The following IQSEC1 variants were observed in gnomAD, a reference collection of about 807,000 sequenced individuals.
IQSEC1 encodes IQ motif and Sec7 domain ArfGEF 1.
In IQSEC1, 31 loss-of-function variants were observed where a neutral mutation model predicts 91.0. The ratio of observed to expected loss-of-function variants is 0.34; its 90% CI spans 0.26 to 0.46. The LOEUF (loss-of-function observed/expected upper bound fraction) is 0.46, where lower values mean the gene tolerates loss of function less well. Among genes scored for constraint, IQSEC1 ranks in the 20% least tolerant of loss-of-function variants. The probability of loss-of-function intolerance (pLI) is 1.00; values close to 1 mark genes in which losing one functional copy is unlikely to be tolerated. For missense variants in IQSEC1, 1,388 were observed against 1,575.6 expected, an observed-to-expected ratio of 0.88 and a Z score of 2.02; for synonymous variants, 699 against 662.6, an observed-to-expected ratio of 1.05 and a Z score of -0.84.
At chr3:13,182,620 A>G (rs1693863823) in intron 1 of IQSEC1, among the ~76,000 whole-genome samples, 1 of 152,238 alleles carries the variant, frequency 6.6e-6, no homozygotes, top group South Asian at 2.1e-4. Flanking sequence ...TCACCAACCA[A>G]GACCACATTC....
rs377518177 is a variant in IQSEC1 at position 13,264,350 on chromosome 3, G to A, written c.272+18361C>T. Among the ~76,000 whole-genome samples the A allele has an allele frequency of 5.9e-5, 9 of 152,306 alleles. No individual in the cohort carries two copies. The South Asian group carries it at 6.2e-4, about 11-fold the overall frequency. ...GCTGCCGTGATGCCCACCGGAGGCCGAGGGCTCTAAGGACAGCAGGGGCAG... is the reference window on the plus strand; with the variant it reads ...GCTGCCGTGATGCCCACCGGAGGCCAAGGGCTCTAAGGACAGCAGGGGCAG... On this transcript the variant is annotated intron_variant, in intron 1 of 15. Coordinates refer to the IQSEC1 transcript ENST00000648114.
chr3:13,123,414 G>A (rs758513000), intron 2 of IQSEC1, among the ~76,000 whole-genome samples: 3 of 152,252 alleles, frequency 2.0e-5, no homozygotes, highest in East Asian at 1.9e-4. Flanking sequence ...CCATGGGGAC[G>A]GTGGCCTGTG....
chr3:12,941,928 C>T (rs778400724), intron 1 of IQSEC1, 63 bp from the exon 2 acceptor site: 26 of 1,427,716 alleles, frequency 1.8e-5, no homozygotes, highest in Non-Finnish European at 2.2e-5. Context: ...GACACCGGGC[C>T]GTGGGGCGTG....
intron 1 of IQSEC1, among the ~76,000 whole-genome samples, chr3:13,224,789 G>A (rs1219666870): frequency 2.0e-5 from 3 of 152,210 alleles, no homozygotes; most frequent in African/African-American, 7.2e-5. Context: ...CCACACAGGT[G>A]CAAGGAGACC....
At chr3:13,070,109 G>T (rs1576233874) in intron 1 of IQSEC1, among the ~76,000 whole-genome samples, 3 of 152,106 alleles carry the variant, frequency 2.0e-5, no homozygotes, top group Middle Eastern at 6.8e-3. Flanking sequence ...GGGGGTGGGG[G>T]CCCGCCGGCA....
Position 13,209,845 on chromosome 3 carries a change from C to T in IQSEC1, c.273-45712G>A, listed in dbSNP as rs575614038. ...ATTCTTTTGCACTTTCCAAGAGCAC[C>T]GCAGCAGCCCAACACCCAGCACTGG... On this transcript the variant is annotated intron_variant, in intron 1 of 15. Coordinates refer to the IQSEC1 transcript ENST00000648114. Among the ~76,000 whole-genome samples, 11 of 152,234 alleles carry T rather than the reference C, an allele frequency of 7.2e-5. No individual in the cohort carries two copies. In the East Asian group the frequency reaches 1.9e-3, roughly 27 times the overall value.
intron 1 of IQSEC1, among the ~76,000 whole-genome samples, chr3:13,199,797 C>A (rs1694205765): frequency 6.6e-6 from 1 of 150,468 alleles, no homozygotes. Context: ...GCAAATGCTG[C>A]CAGGACCCCT....
chr3:13,019,005 G>A (rs895861899), intron 1 of IQSEC1, among the ~76,000 whole-genome samples: 6 of 152,240 alleles, frequency 3.9e-5, no homozygotes, highest in Admixed American at 6.5e-5. Context: ...CATGCACCCT[G>A]CTGGATGCCA....
chr3:13,205,965 G>A (rs1018085059), intron 1 of IQSEC1, among the ~76,000 whole-genome samples: 31 of 95,102 alleles, frequency 3.3e-4, no homozygotes, highest in African/African-American at 9.8e-4. Flanking sequence ...CATCCATCCC[G>A]CCATCCATTC....
intron 3 of IQSEC1, among the ~76,000 whole-genome samples, chr3:12,931,057 T>G (rs149326940): frequency 6.0e-4 from 92 of 152,296 alleles, no homozygotes; most frequent in Admixed American, 1.7e-3. Context: ...TCTGGTAGCG[T>G]GAACCCAAGT....
intron 2 of IQSEC1, among the ~76,000 whole-genome samples, chr3:13,080,600 C>G (rs891723373): frequency 6.6e-6 from 1 of 152,022 alleles, no homozygotes; most frequent in Admixed American, 6.5e-5. Flanking sequence ...GCCCTGGGGA[C>G]ATGGACATTT....
intron 1 of IQSEC1, among the ~76,000 whole-genome samples, chr3:13,250,720 G>A (rs1045582463): frequency 6.6e-6 from 1 of 151,804 alleles, no homozygotes; most frequent in African/African-American, 2.4e-5. Context: ...GCCCGCCTCG[G>A]CCTCCCAAAG....
In IQSEC1 at chr3:12,979,346, A is replaced by G. The variant is rs1449621745; in HGVS notation, c.24-37481T>C. Among the ~76,000 whole-genome samples the G allele has an allele frequency of 1.3e-5, 2 of 152,252 alleles. No individual in the cohort carries two copies. The highest frequency in any genetic ancestry group is 4.8e-5 in the African/African-American group (2 of 41,460). On this transcript the variant is annotated intron_variant, in intron 1 of 13. Transcript: ENST00000613206. The surrounding 1 kb of genome is among the most constrained non-coding windows in gnomAD (Gnocchi z 4.3). The stretch of plus-strand genomic sequence containing the variant: ...GTTTACAACACAGATTAGCAAGCAC[A>G]GAGAATCCACATGACAGGACGCCGC...
chr3:13,156,252 T>C (rs541818595), intron 2 of IQSEC1, among the ~76,000 whole-genome samples: 1 of 151,596 alleles, frequency 6.6e-6, no homozygotes, highest in East Asian at 1.9e-4. Flanking sequence ...AAATTAAAAA[T>C]AAAATAAATA....
intron 3 of IQSEC1, among the ~76,000 whole-genome samples, chr3:12,929,545 G>A (rs1031644047): frequency 3.3e-5 from 5 of 152,176 alleles, no homozygotes; most frequent in Admixed American, 2.6e-4. Flanking sequence ...GCAAGATGAT[G>A]GGTACCAGGA....
intron 1 of IQSEC1, among the ~76,000 whole-genome samples, chr3:13,229,183 C>G (rs925664967): frequency 2.0e-5 from 3 of 152,208 alleles, no homozygotes; most frequent in Admixed American, 2.0e-4. Context: ...CACCTTTCCC[C>G]TAAACAGCAT....
In IQSEC1 at chr3:12,900,760, G is replaced by C; in HGVS notation, c.*223C>G. On this transcript the variant is annotated 3_prime_UTR_variant, in exon 14 of 14. Coordinates refer to ENST00000613206, the MANE Select transcript of IQSEC1 (RefSeq NM_001134382.3). ...CTGAGGCCCACCCATCCCTCAGACTGAGGTGAGCAGAGCCCAGGGTGCCAA... is the reference window on the plus strand; with the variant it reads ...CTGAGGCCCACCCATCCCTCAGACTCAGGTGAGCAGAGCCCAGGGTGCCAA... 1.4e-6 allele frequency: 2 copies of C among 1,431,578 alleles called. No homozygotes were observed. The highest frequency in any genetic ancestry group is 1.8e-6 in the Non-Finnish European group (2 of 1,097,166). 88.7% of individuals were successfully genotyped at this position (1,431,578 alleles called of 1,614,324 possible).
chr3:13,115,536 G>A (rs1201808464), intron 2 of IQSEC1, among the ~76,000 whole-genome samples: 1 of 152,238 alleles, frequency 6.6e-6, no homozygotes, highest in Non-Finnish European at 1.5e-5. Flanking sequence ...CCATGGATGA[G>A]TCTTCCCACC....
At chr3:12,954,250 C>G (rs1396672535) in intron 1 of IQSEC1, among the ~76,000 whole-genome samples, 3 of 152,206 alleles carry the variant, frequency 2.0e-5, no homozygotes. Flanking sequence ...AGCCCAGGAA[C>G]CTGAGTGGGT....
Sources: gnomAD v4.1 joint callset for allele counts (sites outside exome capture counted in the v4.1 genomes callset) on GRCh38, gnomAD v4.1.1 for gene constraint, Gnocchi (gnomAD v3.1) non-coding constraint, MANE v1.5 for transcripts, NCBI Gene and HGNC (gene_info 2026-07-23, HGNC 2026-07-21) for gene names.